Variants in SEC16B observed in about 807,000 individuals in gnomAD.
SEC16B encodes the protein SEC16 homolog B, endoplasmic reticulum export factor, also known as protein transport protein Sec16B.
SEC16B carries 115 observed loss-of-function variants against 141.8 expected under a neutral mutation model. The observed-to-expected ratio is 0.81, with a 90% CI of 0.70 to 0.95. The LOEUF is 0.95. Ranked by LOEUF, SEC16B falls within the 40% of genes least tolerant of loss-of-function variation. The pLI is 0.00. For synonymous variants in SEC16B, 493 were observed against 492.5 expected (o/e 1.00, Z -0.01); for missense variants, 1,291 against 1,312.3 (o/e 0.98, Z 0.25).
At position 177,944,604 on chromosome 1, in the gene SEC16B, C is replaced by G. The variant is rs780818093; in HGVS notation, c.1838G>C (p.Cys613Ser). The G allele has an allele frequency of 6.2e-7, 1 of 1,613,898 alleles. No individual in the cohort carries two copies. Among genetic ancestry groups the G allele is most frequent in the Non-Finnish European group, 8.5e-7 (1 of 1,179,834 alleles). The part of the protein sequence containing the change: ...AIQRTEIFEY[C>S]QMLGRPKSFI... ...GGATTTGGGGCGGCCCAGCATCTGA[C>G]AGTACTCGAAGATTTCCGTCCTCTG... Residue 613 changes from cysteine to serine, a missense_variant, in exon 15 of 26, where the codon TGT becomes TCT. Around this residue, in one of 3 missense-constraint regions of SEC16B, gnomAD observed 605 missense variants for 614.1 expected, o/e 0.99. Coordinates refer to ENST00000308284, the MANE Select transcript of SEC16B (RefSeq NM_033127.4).
intron 20 of SEC16B, among the ~76,000 whole-genome samples, chr1:177,935,551 T>C (rs1650774193): frequency 6.6e-6 from 1 of 151,504 alleles, no homozygotes; most frequent in South Asian, 2.1e-4. Flanking sequence ...TATAGAAAAA[T>C]AGTATAAGAA....
intron 1 of SEC16B, among the ~76,000 whole-genome samples, chr1:177,982,781 C>T (rs905618286): frequency 4.6e-5 from 7 of 152,170 alleles, no homozygotes; most frequent in African/African-American, 1.7e-4. Context: ...ATGGGTCACA[C>T]TTATTTCAAG....
chr1:177,958,135 C>T lies in SEC16B; in HGVS notation c.1362G>A (p.Lys454=), dbSNP rs770482454. 4.9e-5 allele frequency: 74 copies of T among 1,498,336 alleles called. No homozygotes were observed. In the East Asian group the frequency reaches 1.8e-3, roughly 36 times the overall value. The allele number at this position is 1,498,336 out of a possible 1,614,324, so 92.8% of individuals were successfully genotyped here. A position where few individuals can be genotyped will look rare whatever the true frequency, so the allele number is the denominator to read the frequency against. Residue 454 remains lysine, a synonymous_variant, in exon 10 of 26, where the codon AAG becomes AAA. Transcript: ENST00000308284. ...TATGGGGGAAGGGCATACTTGCCTT[C>T]TTCCTTCCATAGTAGAGCAGCCTAG... ...KFTRLLYYGR[K]KEALEWAMKN... is the part of the protein sequence containing the mutation.
chr1:177,977,643 A>G (rs1030548863), intron 1 of SEC16B, among the ~76,000 whole-genome samples: 3 of 152,188 alleles, frequency 2.0e-5, no homozygotes, highest in African/African-American at 7.2e-5. Flanking sequence ...AGCTGTCTGA[A>G]TAGGGTAGAC....
intron 2 of SEC16B, among the ~76,000 whole-genome samples, chr1:177,967,324 T>C (rs868160670): frequency 6.6e-6 from 1 of 152,136 alleles, no homozygotes; most frequent in Non-Finnish European, 1.5e-5. Flanking sequence ...AAGAAAAGCT[T>C]TTCCATAGTC....
At chr1:177,939,970 A>G (rs1557970963) in intron 17 of SEC16B, among the ~76,000 whole-genome samples, 193 bp from the exon 18 acceptor site, 1 of 152,144 alleles carries the variant, frequency 6.6e-6, no homozygotes, top group Non-Finnish European at 1.5e-5. Context: ...GCAGGCAGAG[A>G]TGGCTGGAGA....
chr1:177,972,243 G>A (rs1215748923), upstream of SEC16B, among the ~76,000 whole-genome samples: 1 of 152,084 alleles, frequency 6.6e-6, no homozygotes, highest in African/African-American at 2.4e-5. Context: ...GCATACAACA[G>A]TTATATGGGT....
intron 1 of SEC16B, among the ~76,000 whole-genome samples, chr1:177,976,076 C>A (rs1654159574): frequency 6.6e-6 from 1 of 152,202 alleles, no homozygotes; most frequent in African/African-American, 2.4e-5. Context: ...GGTTTAGGCA[C>A]AATGCAGGCT....
intron 1 of SEC16B, among the ~76,000 whole-genome samples, chr1:177,969,281 A>G (rs181200192): frequency 2.3e-4 from 35 of 152,340 alleles, no homozygotes; most frequent in African/African-American, 8.2e-4. Context: ...GTCGACAGCT[A>G]TGAGCCAAGA....
intron 9 of SEC16B, 148 bp downstream of exon 9, chr1:177,958,692 A>G: frequency 2.0e-6 from 2 of 997,316 alleles, no homozygotes; most frequent in African/African-American, 1.6e-5. Context: ...GCAAACTCGC[A>G]TTGACATTTG....
At chr1:177,940,825 G>C in intron 16 of SEC16B, 111 bp from the exon 17 acceptor site, 1 of 654,012 alleles carries the variant, frequency 1.5e-6, no homozygotes, top group Non-Finnish European at 2.6e-6. Flanking sequence ...AAAGGAGAAA[G>C]AGAGCCTTAA....
chr1:177,936,930 A>C (rs573053885), intron 19 of SEC16B, among the ~76,000 whole-genome samples: 206 of 152,232 alleles, frequency 1.4e-3, no homozygotes, highest in African/African-American at 4.7e-3. Flanking sequence ...CTCTCCTAGA[A>C]ACTATGTAAT....
chr1:177,946,275 G>A, intron 14 of SEC16B, 145 bp downstream of exon 14: 1 of 736,396 alleles, frequency 1.4e-6, no homozygotes, highest in Non-Finnish European at 2.5e-6. Flanking sequence ...GCACAGACCT[G>A]CACAGATAAC....
intron 1 of SEC16B, among the ~76,000 whole-genome samples, chr1:177,982,704 T>C (rs1364334608): frequency 1.3e-5 from 2 of 152,182 alleles, no homozygotes; most frequent in Admixed American, 6.5e-5. Context: ...CTTGAAACCA[T>C]AGCCTGGCTA....
At chr1:177,953,304 T>C (rs1652348400) in intron 11 of SEC16B, among the ~76,000 whole-genome samples, 1 of 152,152 alleles carries the variant, frequency 6.6e-6, no homozygotes, top group South Asian at 2.1e-4. Context: ...CCACACCCAG[T>C]GGAAGTGTCA....
At chr1:177,955,744 G>C (rs1652551935) in intron 10 of SEC16B, among the ~76,000 whole-genome samples, 1 of 152,176 alleles carries the variant, frequency 6.6e-6, no homozygotes, top group Non-Finnish European at 1.5e-5. Flanking sequence ...AGAGTGAATT[G>C]GCACAATCTC....
At chr1:177,939,222 A>G (rs191604627) in intron 18 of SEC16B, among the ~76,000 whole-genome samples, 1 of 152,334 alleles carries the variant, frequency 6.6e-6, no homozygotes, top group East Asian at 1.9e-4. Flanking sequence ...CCAACACACC[A>G]TTGGGAATCA....
chr1:177,945,747 A>G (rs943670827), intron 14 of SEC16B: 13 of 152,550 alleles, frequency 8.5e-5, no homozygotes, highest in African/African-American at 3.1e-4. Flanking sequence ...AAATAGTGCA[A>G]AGAAAATGCC....
Position 177,929,894 on chromosome 1 carries a change from G to T in SEC16B, c.3147C>A (p.Arg1049=), listed in dbSNP as rs532189601. The change falls in exon 26 of 26, where the codon CGC becomes CGA. Residue 1049 remains arginine (R), a synonymous_variant. Transcript: ENST00000308284. ...PTATSLNRPN[R]LAQRRYPTQP... The stretch of plus-strand genomic sequence containing the variant: ...GGGTGGGATAGCGACGCTGAGCTAG[G>T]CGATTTGGCCGATTCAGGCTAGTGG... The T allele has an allele frequency of 2.5e-6, 4 of 1,613,896 alleles. No homozygotes were observed. In the East Asian group the frequency reaches 8.9e-5, roughly 36 times the overall value.
Sources: gnomAD v4.1 joint callset for allele counts (sites outside exome capture counted in the v4.1 genomes callset) on GRCh38, gnomAD v4.1.1 for gene constraint, gnomAD v4.1.1 regional missense constraint, MANE v1.5 for transcripts, NCBI Gene and HGNC (gene_info 2026-07-23, HGNC 2026-07-21) for gene names.